Variants in GRID2 observed in about 807,000 individuals in gnomAD.
GRID2 encodes the protein glutamate ionotropic receptor delta type subunit 2.
Under a neutral mutation model 114.8 loss-of-function variants are expected in GRID2, and 33 were observed. The observed-to-expected ratio is 0.29, with a 90% confidence interval of 0.22 to 0.38. The LOEUF is 0.38. Ranked by LOEUF, GRID2 falls within the 10% of genes least tolerant of loss-of-function variation. The pLI is 1.00. For missense variants in GRID2, 1,184 were observed against 1,257.7 expected, an observed-to-expected ratio of 0.94 and a Z score of 0.89; for synonymous variants, 505 against 449.9, an observed-to-expected ratio of 1.12 and a Z score of -1.55.
intron 11 of GRID2, among the ~76,000 whole-genome samples, chr4:93,484,395 GTGT>G (rs1368318085): frequency 6.6e-6 from 1 of 151,766 alleles, no homozygotes; most frequent in African/African-American, 2.4e-5. Context: ...CCCATTAATG[GTGT>G]TGTTTATAAG....
intron 7 of GRID2, among the ~76,000 whole-genome samples, chr4:93,229,975 G>T (rs1418926915): frequency 6.6e-6 from 1 of 152,026 alleles, no homozygotes; most frequent in African/African-American, 2.4e-5. Context: ...CGTGGATGTT[G>T]TATGATATTT....
chr4:92,457,636 G>A (rs1315714440), intron 1 of GRID2, among the ~76,000 whole-genome samples: 2 of 152,034 alleles, frequency 1.3e-5, no homozygotes, highest in Non-Finnish European at 2.9e-5. Context: ...ACAAGTAATT[G>A]TACAGCATCA....
chr4:93,277,035 T>C (rs1218626401), intron 8 of GRID2, among the ~76,000 whole-genome samples: 1 of 151,878 alleles, frequency 6.6e-6, no homozygotes, highest in Non-Finnish European at 1.5e-5. Context: ...GCTTATTATC[T>C]AGTGGAAAAG....
chr4:93,356,091 A>G (rs1480573338), intron 8 of GRID2, among the ~76,000 whole-genome samples: 1 of 152,136 alleles, frequency 6.6e-6, no homozygotes, highest in Non-Finnish European at 1.5e-5. Context: ...TAAAAATCAC[A>G]TAAAATCATA....
At chr4:93,657,573 A>T (rs554072394) in intron 14 of GRID2, among the ~76,000 whole-genome samples, 4 of 152,106 alleles carry the variant, frequency 2.6e-5, no homozygotes. Context: ...CAAACAAAAA[A>T]CCAAGTAATA....
At chr4:93,137,863 G>A (rs1735404356) in intron 4 of GRID2, among the ~76,000 whole-genome samples, 1 of 150,696 alleles carries the variant, frequency 6.6e-6, no homozygotes. Context: ...ATTATAATTA[G>A]GAAATTAAGT....
chr4:93,560,247 A>C (rs921636981), intron 13 of GRID2, among the ~76,000 whole-genome samples: 3 of 150,438 alleles, frequency 2.0e-5, no homozygotes, highest in Non-Finnish European at 4.4e-5. Context: ...AAAAAAAAAA[A>C]AAAAAACAGA....
intron 1 of GRID2, among the ~76,000 whole-genome samples, chr4:92,392,671 T>C (rs112603499): frequency 1.8e-4 from 28 of 152,164 alleles, no homozygotes; most frequent in African/African-American, 6.5e-4. Flanking sequence ...GAAGTAATTA[T>C]GAAAATTAGA....
chr4:92,853,131 G>A (rs1303059413), intron 2 of GRID2, among the ~76,000 whole-genome samples: 1 of 151,918 alleles, frequency 6.6e-6, no homozygotes, highest in Non-Finnish European at 1.5e-5. Flanking sequence ...ACATTTAGCT[G>A]AGTGACTATG....
chr4:92,335,015 T>A (rs1727090818), intron 1 of GRID2, among the ~76,000 whole-genome samples: 1 of 152,232 alleles, frequency 6.6e-6, no homozygotes, highest in South Asian at 2.1e-4. Flanking sequence ...TTATTCTACA[T>A]TAAGAATTTG....
chr4:92,379,793 G>A (rs1325753749), intron 1 of GRID2, among the ~76,000 whole-genome samples: 3 of 152,064 alleles, frequency 2.0e-5, no homozygotes, highest in South Asian at 4.1e-4. Context: ...GAGAAGGTTG[G>A]AAAGATGGCT....
chr4:92,875,587 G>A (rs560112815), intron 2 of GRID2, among the ~76,000 whole-genome samples: 1 of 152,192 alleles, frequency 6.6e-6, no homozygotes, highest in Admixed American at 6.5e-5. Flanking sequence ...GAAAAATATA[G>A]CTAATTCTTT....
rs199727058 is a variant in GRID2 at position 92,666,654 on chromosome 4, T to G, written c.244+76368T>G. ...TGATGTGTAAACTTAAGGGTTGTTT[T>G]TTTTTTTTTTTTTTTTCAGATCTTT... On this transcript the variant is annotated intron_variant, in intron 2 of 15. Coordinates refer to ENST00000282020, the MANE Select transcript of GRID2 (RefSeq NM_001510.4). Among the ~76,000 whole-genome samples, 1,118 of 135,074 alleles carry G rather than the reference T, an allele frequency of 8.3e-3. 24 individuals carry two copies. The highest frequency in any genetic ancestry group is 0.029 in the African/African-American group (1,069 of 37,328). The allele number at this position is 135,074 out of a possible 152,430, so 88.6% of individuals were successfully genotyped here. A position where few individuals can be genotyped will look rare whatever the true frequency, so the allele number is the denominator to read the frequency against.
intron 1 of GRID2, among the ~76,000 whole-genome samples, chr4:92,405,209 C>A (rs1730968968): frequency 6.6e-6 from 1 of 152,066 alleles, no homozygotes; most frequent in South Asian, 2.1e-4. Flanking sequence ...GCATTTCCAT[C>A]CATGCAAAGT....
intron 2 of GRID2, 33 bp downstream of exon 2, chr4:92,590,319 GTTCAA>G: frequency 6.6e-7 from 1 of 1,524,372 alleles, no homozygotes; most frequent in Non-Finnish European, 9.0e-7. Context: ...TGGTTTTTTG[GTTCAA>G]TTCAAGTGGC....
chr4:92,413,480 G>A (rs1274999943), intron 1 of GRID2, among the ~76,000 whole-genome samples: 1 of 152,128 alleles, frequency 6.6e-6, no homozygotes, highest in Non-Finnish European at 1.5e-5. Context: ...CAAGTCAGTA[G>A]TAAGATTAGA....
chr4:93,298,532 G>A (rs1361707385), intron 8 of GRID2, among the ~76,000 whole-genome samples: 1 of 152,174 alleles, frequency 6.6e-6, no homozygotes, highest in Non-Finnish European at 1.5e-5. Context: ...CAATCACATT[G>A]GTGGGTAGGA....
At chr4:92,678,887 G>A (rs1031457103) in intron 2 of GRID2, among the ~76,000 whole-genome samples, 2 of 150,914 alleles carry the variant, frequency 1.3e-5, no homozygotes, top group Non-Finnish European at 3.0e-5. Flanking sequence ...GAGGATTATA[G>A]AATAAGAATC....
chr4:93,107,328 A>G (rs573262840), intron 3 of GRID2, among the ~76,000 whole-genome samples: 1 of 151,972 alleles, frequency 6.6e-6, no homozygotes, highest in Non-Finnish European at 1.5e-5. Context: ...TAAATTCTTC[A>G]TTTACAGTTG....
Sources: allele counts gnomAD v4.1 joint callset (sites outside exome capture counted in the v4.1 genomes callset), GRCh38; gene constraint gnomAD v4.1.1; transcripts MANE v1.5; gene names NCBI Gene and HGNC (gene_info 2026-07-23, HGNC 2026-07-21).